SMAP1: variants seen among roughly 807,000 people sequenced by gnomAD.
SMAP1 encodes the protein small ArfGAP 1, also known as stromal membrane-associated protein 1.
In SMAP1, 24 loss-of-function variants were observed where a neutral mutation model predicts 58.5. The ratio of observed to expected loss-of-function variants is 0.41; its 90% confidence interval spans 0.30 to 0.58. The LOEUF is 0.58. Ranked by LOEUF, SMAP1 falls within the 20% of genes least tolerant of loss-of-function variation. The pLI, the probability that SMAP1 is intolerant of heterozygous loss-of-function variation, is 0.29. For synonymous variants in SMAP1, 216 were observed against 196.6 expected, an observed-to-expected ratio of 1.10 and a Z score of -0.82; for missense variants, 563 against 566.3, an observed-to-expected ratio of 0.99 and a Z score of 0.06.
rs189304938 is a variant in SMAP1, at chr6:70,856,675, G to A, written c.790-184G>A. On this transcript the variant is annotated intron_variant, in intron 8 of 10. Transcript: ENST00000370455. Reference sequence around the variant, plus strand: ...TAACAGATTCAAATTAAGAAGTACTGTCTTGATTGTAGATGTTTTTATATG... The same window carrying A: ...TAACAGATTCAAATTAAGAAGTACTATCTTGATTGTAGATGTTTTTATATG... 131 of 505,362 alleles carry A rather than the reference G, an allele frequency of 2.6e-4. 2 individuals are homozygous for A. The East Asian group carries it at 4.0e-3, about 15-fold the overall frequency. 31.3% of individuals were successfully genotyped at this position (505,362 alleles called of 1,614,324 possible). A position where few individuals can be genotyped will look rare whatever the true frequency, so the allele number is the denominator to read the frequency against.
chr6:70,718,279 G>T (rs781290925), intron 1 of SMAP1, among the ~76,000 whole-genome samples: 1 of 151,998 alleles, frequency 6.6e-6, no homozygotes, highest in Non-Finnish European at 1.5e-5. Context: ...CTGGGATGAG[G>T]GTAAAGTCAT....
At chr6:70,691,773 T>C (rs188911240) in intron 1 of SMAP1, among the ~76,000 whole-genome samples, 1 of 152,336 alleles carries the variant, frequency 6.6e-6, no homozygotes, top group Non-Finnish European at 1.5e-5. Context: ...TCCATGTTGT[T>C]GCAGATGACA....
At chr6:70,802,124 A>G (rs1768886964) in intron 6 of SMAP1, among the ~76,000 whole-genome samples, 1 of 152,158 alleles carries the variant, frequency 6.6e-6, no homozygotes, top group Non-Finnish European at 1.5e-5. Flanking sequence ...CATTTTCACG[A>G]TATTAATTCT....
chr6:70,769,422 G>C, intron 3 of SMAP1, among the ~76,000 whole-genome samples: 1 of 152,164 alleles, frequency 6.6e-6, no homozygotes, highest in East Asian at 1.9e-4. Flanking sequence ...CTTGCTTTAT[G>C]AATCTGGGTG....
intron 1 of SMAP1, among the ~76,000 whole-genome samples, chr6:70,700,823 C>A (rs1301548670): frequency 6.6e-6 from 1 of 152,176 alleles, no homozygotes; most frequent in East Asian, 1.9e-4. Flanking sequence ...TTGTTCAAGA[C>A]CCAAGGGCTC....
At chr6:70,785,496 A>C (rs1298212406) in intron 4 of SMAP1, among the ~76,000 whole-genome samples, 1 of 152,252 alleles carries the variant, frequency 6.6e-6, no homozygotes, top group African/African-American at 2.4e-5. Context: ...CCCTTCAAAA[A>C]ATCAATGAAT....
At position 70,668,109 on chromosome 6, in the gene SMAP1, A is replaced by C; in HGVS notation, c.86A>C (p.Asp29Ala). ...LILSKLLREE[D>A]NKYCADCEAK... ...CTATCCAAGCTTCTGAGGGAGGAGG[A>C]CAACAAGTACTGCGCCGACTGCGAG... is the stretch of plus-strand genomic sequence containing the variant. Residue 29 changes from aspartate (D) to alanine (A), a missense_variant, in exon 1 of 11, where the codon GAC (aspartate) becomes GCC (alanine). Around this residue, in one of 3 missense-constraint regions of SMAP1, gnomAD observed 52 missense variants for 46.6 expected, o/e 1.11. Coordinates refer to ENST00000370455, the MANE Select transcript of SMAP1 (RefSeq NM_001044305.3). 1 of 1,603,662 alleles carries C rather than the reference A, an allele frequency of 6.2e-7. No individual in the cohort carries two copies. Among genetic ancestry groups the C allele is most frequent in the African/African-American group, 1.4e-5 (1 of 73,194 alleles).
At chr6:70,790,969 T>C (rs1442358568) in intron 4 of SMAP1, among the ~76,000 whole-genome samples, 1 of 152,136 alleles carries the variant, frequency 6.6e-6, no homozygotes, top group Non-Finnish European at 1.5e-5. Flanking sequence ...GGCAGGAAGA[T>C]GTGTGAAAAA....
intron 1 of SMAP1, among the ~76,000 whole-genome samples, chr6:70,685,262 T>A (rs960194951): frequency 2.7e-5 from 4 of 150,608 alleles, no homozygotes; most frequent in Non-Finnish European, 5.9e-5. Flanking sequence ...GATGGAAGCC[T>A]CAGGAAAATA....
chr6:70,756,399 G>T (rs1371480335), intron 3 of SMAP1, among the ~76,000 whole-genome samples: 3 of 152,030 alleles, frequency 2.0e-5, no homozygotes, highest in African/African-American at 7.2e-5. Flanking sequence ...TGTATTTGGC[G>T]TTTTCTGTTT....
At chr6:70,840,949 C>T (rs529975673) in intron 7 of SMAP1, among the ~76,000 whole-genome samples, 13 of 152,296 alleles carry the variant, frequency 8.5e-5, no homozygotes, top group African/African-American at 2.2e-4. Context: ...GAGTGCTCTT[C>T]GGGTCCCCTT....
In SMAP1 at chr6:70,682,170, A is replaced by ATTTTTTTTTTTT. The variant is rs66981900; in HGVS notation, c.118+14054_118+14065dup. ...GGATTTAAGGTTATTCTCTGCACAGATTTTTTTTTTTTTTTTTTTTTTTTT... is the reference window on the plus strand; with the variant it reads ...GGATTTAAGGTTATTCTCTGCACAGATTTTTTTTTTTTTTTTTTTTTTTTTTTTTTTTTTTTT... On this transcript the variant is annotated intron_variant, in intron 1 of 10. Transcript: ENST00000370455. 5.2e-5 allele frequency among the ~76,000 whole-genome samples: 5 copies of ATTTTTTTTTTTT among 95,916 alleles called. 1 individual carries two copies. The highest frequency in any genetic ancestry group is 4.2e-5 in the African/African-American group (1 of 23,566). 62.9% of individuals were successfully genotyped at this position (95,916 alleles called of 152,430 possible). A position where few individuals can be genotyped will look rare whatever the true frequency, so the allele number is the denominator to read the frequency against.
intron 1 of SMAP1, among the ~76,000 whole-genome samples, chr6:70,688,956 TACAAGGTATG>T (rs1767044177): frequency 6.6e-6 from 1 of 152,146 alleles, no homozygotes; most frequent in Non-Finnish European, 1.5e-5. Flanking sequence ...TTATATATGA[TACAAGGTATG>T]GATCAAAGTT....
intron 2 of SMAP1, among the ~76,000 whole-genome samples, chr6:70,745,031 C>T (rs1342494160): frequency 1.3e-5 from 2 of 151,730 alleles, no homozygotes; most frequent in South Asian, 2.1e-4. Flanking sequence ...TTTGTTTTTT[C>T]CTTGTAAATT....
At chr6:70,840,864 C>G (rs1019067211) in intron 7 of SMAP1, among the ~76,000 whole-genome samples, 2 of 152,202 alleles carry the variant, frequency 1.3e-5, no homozygotes, top group African/African-American at 4.8e-5. Context: ...GAATCAAACA[C>G]AGACATATCC....
intron 7 of SMAP1, chr6:70,837,944 C>T (rs1770661808): frequency 1.8e-6 from 2 of 1,116,954 alleles, no homozygotes; most frequent in African/African-American, 1.7e-5. Context: ...TCTTAGGAAG[C>T]TGGTACATCG....
chr6:70,683,065 C>T (rs1766789754), intron 1 of SMAP1, among the ~76,000 whole-genome samples: 1 of 152,064 alleles, frequency 6.6e-6, no homozygotes, highest in African/African-American at 2.4e-5. Flanking sequence ...TTACTGTACC[C>T]AGTCTGTTAC....
chr6:70,783,019 A>T (rs953547999), intron 4 of SMAP1, among the ~76,000 whole-genome samples: 5 of 152,172 alleles, frequency 3.3e-5, no homozygotes, highest in African/African-American at 1.2e-4. Context: ...GAGCAGCCTA[A>T]CTGGGAGGCA....
At chr6:70,761,792 C>G (rs1005266819) in intron 3 of SMAP1, among the ~76,000 whole-genome samples, 1 of 151,940 alleles carries the variant, frequency 6.6e-6, no homozygotes, top group African/African-American at 2.4e-5. Context: ...GGTTTTATCC[C>G]CATTTTAAAG....
Sources: allele counts gnomAD v4.1 joint callset (sites outside exome capture counted in the v4.1 genomes callset), GRCh38; gene constraint gnomAD v4.1.1; regional missense constraint gnomAD v4.1.1; transcripts MANE v1.5; gene names NCBI Gene and HGNC (gene_info 2026-07-23, HGNC 2026-07-21).